The following NBAS variants were observed in gnomAD, a reference collection of about 807,000 sequenced individuals.
NBAS encodes the protein NAG/BC035112 fusion.
NBAS carries 219 observed loss-of-function variants against 302.5 expected under a neutral mutation model. The observed-to-expected ratio is 0.72, with a 90% CI of 0.65 to 0.81. NBAS has a LOEUF of 0.81. Ranked by LOEUF, NBAS falls within the 30% of genes least tolerant of loss-of-function variation. NBAS has a pLI of 0.00. For missense variants in NBAS, 2,932 were observed against 2,841.6 expected (o/e 1.03, Z -0.72); for synonymous variants, 1,118 against 1,021.6 (o/e 1.09, Z -1.80).
chr2:15,008,051 T>C, the NBAS span, among the ~76,000 whole-genome samples: 1 of 152,230 alleles, frequency 6.6e-6, no homozygotes, highest in Non-Finnish European at 1.5e-5. Context: ...TGTTCCAACC[T>C]GGACTCCCAC....
chr2:15,531,079 G>C (rs1663191075), intron 9 of NBAS, among the ~76,000 whole-genome samples: 1 of 152,042 alleles, frequency 6.6e-6, no homozygotes, highest in Admixed American at 6.6e-5. Context: ...CCGGTCAAAT[G>C]ATCAATTAAG....
intron 51 of NBAS, 33 bp downstream of exon 51, chr2:15,178,955 A>G: frequency 6.2e-7 from 1 of 1,613,484 alleles, no homozygotes; most frequent in Non-Finnish European, 8.5e-7. Context: ...TTAAAAAAAA[A>G]AAAAGAAAGA....
Position 15,475,818 on chromosome 2 carries a change from C to A in NBAS, c.1210G>T (p.Ala404Ser). The A allele has an allele frequency of 6.2e-7, 1 of 1,614,060 alleles. No individual in the cohort carries two copies. Among genetic ancestry groups the A allele is most frequent in the South Asian group, 1.1e-5 (1 of 91,082 alleles). Residue 404 changes from alanine to serine, a missense_variant, in exon 14 of 52, where the codon GCT (alanine) becomes TCT (serine). Physicochemically the swap from Ala to Ser is moderately conservative, Grantham distance 99 (BLOSUM62 1). Coordinates refer to ENST00000281513, the MANE Select transcript of NBAS (RefSeq NM_015909.4). ...NWWADSAVTLARCSGALTVSS... is the reference protein window; with the variant it reads ...NWWADSAVTLSRCSGALTVSS... ...ACAGTTAAAGCACCAGAGCATCGAG[C>A]TAAAGTCACTGCACTGTCTGCCCAC...
intron 50 of NBAS, among the ~76,000 whole-genome samples, chr2:15,183,442 C>A (rs548742338): frequency 6.6e-6 from 1 of 152,206 alleles, no homozygotes; most frequent in Non-Finnish European, 1.5e-5. Flanking sequence ...TACTTTGCAA[C>A]GGGATTTAAC....
At chr2:15,490,243 G>A (rs1303864365) in intron 11 of NBAS, among the ~76,000 whole-genome samples, 2 of 152,098 alleles carry the variant, frequency 1.3e-5, no homozygotes, top group African/African-American at 4.8e-5. Context: ...TGACTAAGGT[G>A]CCTTAGCCAT....
the NBAS span, among the ~76,000 whole-genome samples, chr2:15,042,911 A>G: frequency 1.6e-3 from 246 of 152,264 alleles, 1 homozygote; most frequent in African/African-American, 5.7e-3. Context: ...ATGACTTTGC[A>G]TGGTTCCTGA....
intron 47 of NBAS, among the ~76,000 whole-genome samples, chr2:15,230,839 GT>G (rs962498658): frequency 6.6e-6 from 1 of 152,166 alleles, no homozygotes; most frequent in Non-Finnish European, 1.5e-5. Flanking sequence ...AGGAGGGTAA[GT>G]GTTTCCCACG....
At chr2:15,446,374 A>G (rs943367582) in intron 21 of NBAS, among the ~76,000 whole-genome samples, 3 of 152,236 alleles carry the variant, frequency 2.0e-5, no homozygotes, top group Non-Finnish European at 4.4e-5. Context: ...GCTTAAAGCA[A>G]TACAAGCCAG....
intron 48 of NBAS, among the ~76,000 whole-genome samples, chr2:15,217,282 C>A (rs1224638487): frequency 6.6e-6 from 1 of 152,194 alleles, no homozygotes; most frequent in Non-Finnish European, 1.5e-5. Flanking sequence ...AGTGATTTGA[C>A]AAGAATAGAG....
chr2:15,477,677 A>T (rs976857785), intron 13 of NBAS, among the ~76,000 whole-genome samples: 1 of 152,248 alleles, frequency 6.6e-6, no homozygotes, highest in Non-Finnish European at 1.5e-5. Context: ...CACAGTCAAA[A>T]ACTAAAAGTG....
chr2:15,066,127 G>A, the NBAS span, among the ~76,000 whole-genome samples: 1 of 152,244 alleles, frequency 6.6e-6, no homozygotes, highest in African/African-American at 2.4e-5. Context: ...ACTACACAAT[G>A]AGGAAAGGAC....
chr2:15,468,523 TTTATTTTACTCTGCATA>T lies in NBAS; in HGVS notation c.1726-7_1735del, dbSNP rs1449700629. On this transcript the variant is annotated splice_acceptor_variant and splice_polypyrimidine_tract_variant and coding_sequence_variant and intron_variant, in exon 17 of 52. Transcript: ENST00000281513. LOFTEE classifies it high-confidence loss of function. ...CTCATGGAGAACCCAGGATCGCTTC[TTTATTTTACTCTGCATA>T]TAAAGGAAGAAACAGAGGAATTACA... 1.2e-6 allele frequency: 2 copies of T among 1,613,994 alleles called. No homozygotes were observed.
At chr2:15,071,700 G>T in the NBAS span, among the ~76,000 whole-genome samples, 1 of 151,680 alleles carries the variant, frequency 6.6e-6, no homozygotes, top group Non-Finnish European at 1.5e-5. Context: ...GCTTTATATG[G>T]TAGCAAAGGA....
chr2:15,408,455 AT>A (rs553397304), intron 25 of NBAS, among the ~76,000 whole-genome samples: 3 of 151,938 alleles, frequency 2.0e-5, no homozygotes, highest in Non-Finnish European at 4.4e-5. Flanking sequence ...AAGTATGATT[AT>A]TTTTTCCCCA....
At chr2:14,869,178 G>A in the NBAS span, among the ~76,000 whole-genome samples, 6 of 152,258 alleles carry the variant, frequency 3.9e-5, no homozygotes, top group East Asian at 9.7e-4. Context: ...TCCTATCTTG[G>A]TACCTGCCTC....
the NBAS span, among the ~76,000 whole-genome samples, chr2:14,800,934 G>A: frequency 1.3e-5 from 2 of 151,444 alleles, no homozygotes; most frequent in African/African-American, 4.9e-5. Context: ...GTGTAGTTCT[G>A]TAGGTGATAA....
At chr2:15,483,128 C>T (rs139053866) in intron 12 of NBAS, 4 of 153,880 alleles carry the variant, frequency 2.6e-5, no homozygotes, top group Admixed American at 1.3e-4. Context: ...TAATGAAATC[C>T]CTGCCTCCAA....
At chr2:15,055,744 G>A in the NBAS span, among the ~76,000 whole-genome samples, 2 of 152,182 alleles carry the variant, frequency 1.3e-5, no homozygotes, top group Non-Finnish European at 2.9e-5. Flanking sequence ...ATACAGCATG[G>A]CAATGGGAGT....
At chr2:15,461,938 T>G (rs1679523996) in intron 19 of NBAS, 147 bp from the exon 20 acceptor site, 2 of 611,638 alleles carry the variant, frequency 3.3e-6, no homozygotes, top group African/African-American at 1.9e-5. Flanking sequence ...TTAACTAAAG[T>G]ACTACATCTG....
Sources: gnomAD v4.1 joint callset for allele counts (sites outside exome capture counted in the v4.1 genomes callset) on GRCh38, gnomAD v4.1.1 for gene constraint, MANE v1.5 for transcripts, NCBI Gene and HGNC (gene_info 2026-07-23, HGNC 2026-07-21) for gene names.